The following RARRES1 variants were observed in gnomAD, a reference collection of about 807,000 sequenced individuals.
The protein encoded by RARRES1 is retinoic acid receptor responder 1, also known as retinoic acid receptor responder protein 1.
A neutral mutation model predicts 30.6 loss-of-function variants in RARRES1; 34 were observed. That is an observed-to-expected ratio of 1.11 (90% CI 0.84 to 1.48). The LOEUF is 1.48. Among genes scored for constraint, RARRES1 ranks in the 40% most tolerant of loss-of-function variants. RARRES1 has a pLI of 0.00. For synonymous variants in RARRES1, 153 were observed against 155.5 expected, an observed-to-expected ratio of 0.98 and a Z score of 0.12; for missense variants, 373 against 386.5, an observed-to-expected ratio of 0.97 and a Z score of 0.29.
At chr3:158,704,210 CTTTTTTTTTTTTTTTTTTTTTT>C (rs78169321) in intron 4 of RARRES1, among the ~76,000 whole-genome samples, 1 of 82,810 alleles carries the variant, frequency 1.2e-5, no homozygotes. Flanking sequence ...TATTGCAATA[CTTTTTTTTTTTTTTTTTTTTTT>C]TTTTTTTTTT....
At position 158,697,922 on chromosome 3, in the gene RARRES1, C is replaced by G; in HGVS notation, c.721G>C (p.Glu241Gln). Residue 241 changes from glutamate (E) to glutamine (Q), a missense_variant, in exon 5 of 6, where the codon GAA (glutamate) becomes CAA (glutamine). Transcript: ENST00000237696. ...TTATGTTTTACCTGTGTTGATAATTCATGAAGTAGAACAGTATAATCAAAA... is the reference window on the plus strand; with the variant it reads ...TTATGTTTTACCTGTGTTGATAATTGATGAAGTAGAACAGTATAATCAAAA... Reference protein sequence around the residue: ...IDFDYTVLLHELSTQEIIPCR... With the variant: ...IDFDYTVLLHQLSTQEIIPCR... 6.4e-7 allele frequency: 1 copy of G among 1,554,744 alleles called. No individual in the cohort carries two copies. The highest frequency in any genetic ancestry group is 8.9e-7 in the Non-Finnish European group (1 of 1,127,740).
chr3:158,708,542 CAACTT>C (rs1489412402), intron 3 of RARRES1, among the ~76,000 whole-genome samples: 4 of 152,198 alleles, frequency 2.6e-5, no homozygotes, highest in South Asian at 2.1e-4. Flanking sequence ...AAAAAACAGA[CAACTT>C]AAGGGGAAAA....
chr3:158,698,045 T>A, intron 4 of RARRES1, 75 bp from the exon 5 acceptor site: 1 of 1,071,960 alleles, frequency 9.3e-7, no homozygotes, highest in Non-Finnish European at 1.4e-6. Context: ...ACATTCTTGT[T>A]TTGAATGGGT....
chr3:158,697,722 C>T lies in RARRES1; in HGVS notation c.841G>A (p.Glu281Lys), dbSNP rs1265079100. The change falls in exon 6 of 6, where the codon GAA becomes AAA. Residue 281 changes from glutamate to lysine, a missense_variant. By Grantham distance (56) the Glu-to-Lys change is moderately conservative (BLOSUM62 1). Coordinates refer to ENST00000237696, the MANE Select transcript of RARRES1 (RefSeq NM_206963.2). ...LQTPEEASGTEEGSAVVPTEL... is the reference protein window; with the variant it reads ...LQTPEEASGTKEGSAVVPTEL... ...GTTGGTACTACAGCTGATCCTTCTT[C>T]AGTTCCGGAGGCTTCTTCTGGTGTC... 1 of 1,613,614 alleles carries T rather than the reference C, an allele frequency of 6.2e-7. No homozygotes were observed. The highest frequency in any genetic ancestry group is 8.5e-7 in the Non-Finnish European group (1 of 1,179,536).
chr3:158,710,989 C>A (rs1368610158), intron 2 of RARRES1, 56 bp from the exon 3 acceptor site: 1 of 1,481,188 alleles, frequency 6.8e-7, no homozygotes, highest in Non-Finnish European at 9.4e-7. Context: ...TGCACACAAG[C>A]ACACACAAGA....
intron 2 of RARRES1, among the ~76,000 whole-genome samples, chr3:158,712,976 A>G (rs1259336223): frequency 6.6e-6 from 1 of 152,246 alleles, no homozygotes; most frequent in African/African-American, 2.4e-5. Context: ...TTAATAAGCA[A>G]AGAGCATACT....
chr3:158,711,496 T>A (rs1435026445), intron 2 of RARRES1, among the ~76,000 whole-genome samples: 2 of 151,990 alleles, frequency 1.3e-5, no homozygotes, highest in Non-Finnish European at 2.9e-5. Context: ...ACTAACTTCA[T>A]CTCTCTATGC....
intron 4 of RARRES1, among the ~76,000 whole-genome samples, chr3:158,698,582 G>A (rs1726626447): frequency 6.6e-6 from 1 of 152,038 alleles, no homozygotes; most frequent in African/African-American, 2.4e-5. Flanking sequence ...ATATTTTTCA[G>A]TAGGCAGGCA....
chr3:158,720,286 G>C (rs977564086), intron 1 of RARRES1, among the ~76,000 whole-genome samples: 1 of 151,764 alleles, frequency 6.6e-6, no homozygotes, highest in Non-Finnish European at 1.5e-5. Context: ...GAGAGAGAGA[G>C]AGAGAGAGAG....
intron 3 of RARRES1, among the ~76,000 whole-genome samples, chr3:158,708,670 A>AT (rs896941470): frequency 5.2e-4 from 77 of 147,760 alleles, no homozygotes; most frequent in African/African-American, 7.7e-4. Flanking sequence ...ATCTGCTGAG[A>AT]TTTTTTTTTT....
At position 158,732,196 on chromosome 3, in the gene RARRES1, A is replaced by T. The variant is rs1421444552; in HGVS notation, c.220T>A (p.Ser74Thr). The T allele has an allele frequency of 2.1e-6, 3 of 1,421,936 alleles. No homozygotes were observed. Among genetic ancestry groups the T allele is most frequent in the Admixed American group, 2.9e-5 (1 of 34,232 alleles). The allele number at this position is 1,421,936 out of a possible 1,614,324, so 88.1% of individuals were successfully genotyped here. Reference sequence around the variant, plus strand: ...ACTCGTAGCGCGCTGGGCGAGCCGGACCGGAAGTTGAAGAAGTGAAGCGCC... The same window carrying T: ...ACTCGTAGCGCGCTGGGCGAGCCGGTCCGGAAGTTGAAGAAGTGAAGCGCC... Reference protein sequence around the residue: ...RAALHFFNFRSGSPSALRVLA... With the variant: ...RAALHFFNFRTGSPSALRVLA... The change falls in exon 1 of 6, where the codon TCC becomes ACC. Residue 74 changes from serine (S) to threonine (T), a missense_variant. Physicochemically the swap from Ser to Thr is moderately conservative, Grantham distance 58. Transcript: ENST00000237696.
intron 1 of RARRES1, among the ~76,000 whole-genome samples, chr3:158,721,242 G>A (rs919236648): frequency 6.6e-6 from 1 of 152,118 alleles, no homozygotes; most frequent in African/African-American, 2.4e-5. Flanking sequence ...GGTTACAATG[G>A]TGGGTGGGGG....
In RARRES1 at chr3:158,697,943, C is replaced by A; in HGVS notation, c.700G>T (p.Asp234Tyr). The stretch of plus-strand genomic sequence containing the variant: ...AATTCATGAAGTAGAACAGTATAAT[C>A]AAAATCAATTGTATCATCATTAGTT... ...WKTNDDTIDFDYTVLLHELST... is the reference protein window; with the variant it reads ...WKTNDDTIDFYYTVLLHELST... The change falls in exon 5 of 6, where the codon GAT becomes TAT. Residue 234 changes from aspartate (D) to tyrosine (Y), a missense_variant. By Grantham distance (160) the Asp-to-Tyr change is radical. Transcript: ENST00000237696. 3 of 1,538,040 alleles carry A rather than the reference C, an allele frequency of 2.0e-6. No homozygotes were observed. The highest frequency in any genetic ancestry group is 1.1e-5 in the South Asian group (1 of 88,762).
chr3:158,717,743 G>C (rs1727369378), intron 1 of RARRES1, among the ~76,000 whole-genome samples: 1 of 152,168 alleles, frequency 6.6e-6, no homozygotes, highest in Admixed American at 6.5e-5. Context: ...GCTGGCTGAG[G>C]GGGCGGGGAG....
intron 4 of RARRES1, among the ~76,000 whole-genome samples, chr3:158,698,457 A>G (rs951177365): frequency 2.6e-5 from 4 of 152,362 alleles, no homozygotes; most frequent in Non-Finnish European, 4.4e-5. Context: ...ATTTGAGATT[A>G]CAGCTAGGAA....
At chr3:158,701,378 T>A (rs1305985117) in intron 4 of RARRES1, among the ~76,000 whole-genome samples, 1 of 151,986 alleles carries the variant, frequency 6.6e-6, no homozygotes, top group Non-Finnish European at 1.5e-5. Flanking sequence ...TTTTGCACAC[T>A]CTTCCCTCAG....
chr3:158,708,576 T>C (rs1412482814), intron 3 of RARRES1, among the ~76,000 whole-genome samples: 1 of 152,124 alleles, frequency 6.6e-6, no homozygotes, highest in Non-Finnish European at 1.5e-5. Context: ...GGAGCAAGGA[T>C]ATTCCAAAAT....
At chr3:158,709,438 A>G (rs918561706) in intron 3 of RARRES1, among the ~76,000 whole-genome samples, 1 of 152,240 alleles carries the variant, frequency 6.6e-6, no homozygotes, top group African/African-American at 2.4e-5. Context: ...ATATAAACAA[A>G]TTCTGCTACA....
intron 3 of RARRES1, among the ~76,000 whole-genome samples, chr3:158,707,122 T>C (rs1014402562): frequency 5.3e-5 from 8 of 151,998 alleles, no homozygotes; most frequent in African/African-American, 1.9e-4. Flanking sequence ...TGAACCAAGA[T>C]TGCACCACCA....
Sources: allele counts gnomAD v4.1 joint callset (sites outside exome capture counted in the v4.1 genomes callset), GRCh38; gene constraint gnomAD v4.1.1; transcripts MANE v1.5; gene names NCBI Gene and HGNC (gene_info 2026-07-23, HGNC 2026-07-21).